RIT2: variants seen among roughly 807,000 people sequenced by gnomAD.
The protein encoded by RIT2 is GTP-binding protein Rit2.
Under a neutral mutation model 23.7 loss-of-function variants are expected in RIT2, and 24 were observed. The observed-to-expected ratio is 1.01, with a 90% confidence interval of 0.73 to 1.43. The LOEUF (loss-of-function observed/expected upper bound fraction) is 1.43, where lower values mean the gene tolerates loss of function less well. Ranked by LOEUF, RIT2 falls within the 40% of genes most tolerant of loss-of-function variation. The probability of loss-of-function intolerance (pLI) is 0.00; values close to 1 mark genes in which losing one functional copy is unlikely to be tolerated. For missense variants in RIT2, 236 were observed against 266.9 expected (o/e 0.88, Z 0.81); for synonymous variants, 107 against 91.1 (o/e 1.17, Z -0.99).
chr18:43,108,781 C>G (rs1021311336), intron 1 of RIT2, among the ~76,000 whole-genome samples: 98 of 152,280 alleles, frequency 6.4e-4, no homozygotes, highest in East Asian at 3.9e-4. Flanking sequence ...TGCTTCCTGA[C>G]AGTATTGCAG....
chr18:42,816,100 A>G (rs1905989947), intron 4 of RIT2, among the ~76,000 whole-genome samples: 1 of 152,132 alleles, frequency 6.6e-6, no homozygotes, highest in Non-Finnish European at 1.5e-5. Context: ...CAGTCAGGAC[A>G]ATGGTGTGCC....
chr18:43,097,232 C>T (rs961923105), intron 1 of RIT2, among the ~76,000 whole-genome samples: 6 of 151,742 alleles, frequency 4.0e-5, no homozygotes, highest in Non-Finnish European at 5.9e-5. Context: ...CTAACAGGTT[C>T]CCAGATGCTG....
At chr18:43,105,814 C>T (rs942637322) in intron 1 of RIT2, among the ~76,000 whole-genome samples, 1 of 152,092 alleles carries the variant, frequency 6.6e-6, no homozygotes, top group African/African-American at 2.4e-5. Flanking sequence ...TATTGTCATC[C>T]CCATTTTACA....
At chr18:43,107,057 C>T (rs1056854776) in intron 1 of RIT2, among the ~76,000 whole-genome samples, 1 of 152,138 alleles carries the variant, frequency 6.6e-6, no homozygotes, top group African/African-American at 2.4e-5. Context: ...TGTGTACAGT[C>T]GCAATCCCAC....
chr18:43,096,193 A>G (rs1340536045), intron 1 of RIT2, among the ~76,000 whole-genome samples: 3 of 151,942 alleles, frequency 2.0e-5, no homozygotes, highest in Non-Finnish European at 2.9e-5. Flanking sequence ...ACGAAAGCAC[A>G]TATTCTAATG....
intron 4 of RIT2, among the ~76,000 whole-genome samples, chr18:42,799,994 C>T (rs940188362): frequency 3.9e-5 from 6 of 152,116 alleles, no homozygotes; most frequent in African/African-American, 4.8e-5. Context: ...TTTCCCTCCA[C>T]GAAGCTATCG....
In RIT2 at chr18:43,063,264, C is replaced by T. The variant is rs149949661; in HGVS notation, c.104-29397G>A. 3.1e-3 allele frequency among the ~76,000 whole-genome samples: 469 copies of T among 152,180 alleles called. 1 individual carries two copies. The highest frequency in any genetic ancestry group is 6.8e-3 in the Middle Eastern group (2 of 294). ...GTGGTTTAAAACAAGATTCACCATACCTGTGTCAGGAATTTTTCTCACAGC... is the reference window on the plus strand; with the variant it reads ...GTGGTTTAAAACAAGATTCACCATATCTGTGTCAGGAATTTTTCTCACAGC... On this transcript the variant is annotated intron_variant, in intron 1 of 4. Coordinates refer to ENST00000326695, the MANE Select transcript of RIT2 (RefSeq NM_002930.4).
At chr18:43,062,072 C>T (rs563645245) in intron 1 of RIT2, among the ~76,000 whole-genome samples, 1 of 152,098 alleles carries the variant, frequency 6.6e-6, no homozygotes, top group Non-Finnish European at 1.5e-5. Context: ...TGCTGAGCTA[C>T]GGGAGTGAAG....
At chr18:43,099,436 C>T (rs577968982) in intron 1 of RIT2, among the ~76,000 whole-genome samples, 1 of 151,980 alleles carries the variant, frequency 6.6e-6, no homozygotes, top group Admixed American at 6.6e-5. Context: ...TTCTTCCTCA[C>T]CTTAACTGTC....
intron 4 of RIT2, among the ~76,000 whole-genome samples, chr18:42,792,022 T>C (rs1343655806): frequency 6.6e-6 from 1 of 152,214 alleles, no homozygotes; most frequent in African/African-American, 2.4e-5. Flanking sequence ...AGGATAGGAC[T>C]TTGGATCTGT....
chr18:42,867,735 A>G (rs1703343324), intron 4 of RIT2, among the ~76,000 whole-genome samples: 1 of 152,146 alleles, frequency 6.6e-6, no homozygotes, highest in Admixed American at 6.5e-5. Flanking sequence ...TCGAGGCTTC[A>G]GTGAGCCAAG....
intron 4 of RIT2, among the ~76,000 whole-genome samples, chr18:42,821,184 A>G (rs1906137640): frequency 6.6e-6 from 1 of 152,146 alleles, no homozygotes; most frequent in African/African-American, 2.4e-5. Context: ...ATAGCAATGA[A>G]AAACGGACAA....
At chr18:43,004,751 G>T (rs1329894909) in intron 2 of RIT2, among the ~76,000 whole-genome samples, 1 of 151,768 alleles carries the variant, frequency 6.6e-6, no homozygotes, top group African/African-American at 2.4e-5. Flanking sequence ...ATTGCCCTTT[G>T]CTACTCTCAC....
chr18:42,979,225 A>T (rs566400590), intron 2 of RIT2, among the ~76,000 whole-genome samples: 1 of 152,094 alleles, frequency 6.6e-6, no homozygotes, highest in Admixed American at 6.6e-5. Context: ...CAGAATAAAC[A>T]TATTCATTTA....
At chr18:42,758,096 G>GA (rs1490013277) in intron 4 of RIT2, among the ~76,000 whole-genome samples, 1 of 150,852 alleles carries the variant, frequency 6.6e-6, no homozygotes, top group Non-Finnish European at 1.5e-5. Flanking sequence ...TTTGGTTTCA[G>GA]AAAAATATTC....
intron 1 of RIT2, among the ~76,000 whole-genome samples, chr18:43,080,308 G>T (rs1005351485): frequency 6.6e-6 from 1 of 152,192 alleles, no homozygotes; most frequent in Non-Finnish European, 1.5e-5. Flanking sequence ...GGTTGTATAT[G>T]TTCTGCTCTC....
At chr18:43,049,413 T>C (rs1220857457) in intron 1 of RIT2, among the ~76,000 whole-genome samples, 1 of 152,170 alleles carries the variant, frequency 6.6e-6, no homozygotes, top group African/African-American at 2.4e-5. Context: ...AGATATGTTC[T>C]TTTTATTTCC....
intron 4 of RIT2, among the ~76,000 whole-genome samples, chr18:42,774,077 A>G (rs1913610214): frequency 6.6e-6 from 1 of 152,232 alleles, no homozygotes; most frequent in Non-Finnish European, 1.5e-5. Context: ...ACCAGGAGCC[A>G]GTAGGTTAAC....
intron 2 of RIT2, among the ~76,000 whole-genome samples, chr18:42,981,204 C>T (rs1910590425): frequency 6.6e-6 from 1 of 152,084 alleles, no homozygotes; most frequent in South Asian, 2.1e-4. Flanking sequence ...TCTTGGTCTA[C>T]CTTTTTAACA....
Sources: allele counts gnomAD v4.1 joint callset (sites outside exome capture counted in the v4.1 genomes callset), GRCh38; gene constraint gnomAD v4.1.1; transcripts MANE v1.5; gene names NCBI Gene and HGNC (gene_info 2026-07-23, HGNC 2026-07-21).